Variants in MACROD2 observed in about 807,000 individuals in gnomAD.
The protein encoded by MACROD2 is ADP-ribose glycohydrolase MACROD2.
MACROD2 carries 36 observed loss-of-function variants against 70.4 expected under a neutral mutation model. The ratio of observed to expected loss-of-function variants is 0.51; its 90% CI spans 0.39 to 0.68. The LOEUF is 0.68. Among genes scored for constraint, MACROD2 ranks in the 30% least tolerant of loss-of-function variants. The pLI is 0.00. For synonymous variants in MACROD2, 172 were observed against 178.8 expected (o/e 0.96, Z 0.30); for missense variants, 496 against 538.4 (o/e 0.92, Z 0.78).
At chr20:14,241,610 A>C (rs2081930468) in intron 3 of MACROD2, among the ~76,000 whole-genome samples, 1 of 152,136 alleles carries the variant, frequency 6.6e-6, no homozygotes, top group African/African-American at 2.4e-5. Context: ...GTAAAGGTAC[A>C]TGGTGATATG....
chr20:15,751,574 T>C (rs55848368), intron 8 of MACROD2, among the ~76,000 whole-genome samples: 17,174 of 151,926 alleles, frequency 0.11, 1,104 homozygotes, highest in Admixed American at 0.14. Flanking sequence ...GCTTCCCTTT[T>C]ATCCTCTTCT....
intron 3 of MACROD2, among the ~76,000 whole-genome samples, chr20:14,364,074 A>G (rs372029869): frequency 8.5e-5 from 13 of 152,270 alleles, no homozygotes; most frequent in East Asian, 7.7e-4. Flanking sequence ...CCAGGTGATT[A>G]AAAGGTGGTT....
chr20:15,873,437 T>C (rs930279564), intron 9 of MACROD2, among the ~76,000 whole-genome samples: 1 of 152,218 alleles, frequency 6.6e-6, no homozygotes, highest in African/African-American at 2.4e-5. Flanking sequence ...TTATTACTAA[T>C]GTGGTTTAAC....
At chr20:14,175,503 G>A (rs560071101) in intron 3 of MACROD2, among the ~76,000 whole-genome samples, 9 of 152,110 alleles carry the variant, frequency 5.9e-5, no homozygotes, top group East Asian at 1.9e-4. Flanking sequence ...TATATGAGTC[G>A]GTTTCCCCAG....
intron 5 of MACROD2, among the ~76,000 whole-genome samples, chr20:15,140,989 C>T (rs114372723): frequency 0.023 from 3,539 of 152,190 alleles, 144 homozygotes; most frequent in African/African-American, 0.081. Flanking sequence ...ATCCAGATTC[C>T]ATTTACATGC....
intron 3 of MACROD2, among the ~76,000 whole-genome samples, chr20:14,348,904 C>CA (rs963692231): frequency 6.6e-6 from 1 of 151,900 alleles, no homozygotes; most frequent in African/African-American, 2.4e-5. Flanking sequence ...CCCATCTCTA[C>CA]AAAAAATACA....
intron 8 of MACROD2, among the ~76,000 whole-genome samples, chr20:15,639,739 G>A (rs1190373568): frequency 6.6e-6 from 1 of 152,158 alleles, no homozygotes; most frequent in Non-Finnish European, 1.5e-5. Context: ...TGTTTGTTCA[G>A]TGGGACCTCA....
chr20:14,557,338 G>T (rs2123280695), intron 4 of MACROD2, among the ~76,000 whole-genome samples: 1 of 151,924 alleles, frequency 6.6e-6, no homozygotes, highest in Non-Finnish European at 1.5e-5. Context: ...GATACCAAAA[G>T]TACAAGCACT....
intron 15 of MACROD2, among the ~76,000 whole-genome samples, chr20:16,002,923 A>C (rs577429752): frequency 4.6e-5 from 7 of 152,328 alleles, no homozygotes; most frequent in African/African-American, 1.7e-4. Flanking sequence ...GATGATTGAC[A>C]GATGGGTAGG....
chr20:15,136,405 C>T (rs1304454716), intron 5 of MACROD2, among the ~76,000 whole-genome samples: 1 of 152,008 alleles, frequency 6.6e-6, no homozygotes, highest in East Asian at 1.9e-4. Context: ...AGAAATAATG[C>T]CGCATATCTA....
At chr20:16,037,785 T>G (rs1448094500) in intron 15 of MACROD2, among the ~76,000 whole-genome samples, 5 of 151,940 alleles carry the variant, frequency 3.3e-5, no homozygotes, top group African/African-American at 1.2e-4. Flanking sequence ...TGTTTATTTC[T>G]TATATATTCT....
At chr20:14,498,401 C>G (rs1196225740) in intron 4 of MACROD2, among the ~76,000 whole-genome samples, 1 of 152,238 alleles carries the variant, frequency 6.6e-6, no homozygotes, top group Non-Finnish European at 1.5e-5. Flanking sequence ...CACAAGCACA[C>G]ATATGTGCAT....
chr20:14,875,979 T>C (rs2073546253), intron 5 of MACROD2, among the ~76,000 whole-genome samples: 1 of 152,146 alleles, frequency 6.6e-6, no homozygotes, highest in African/African-American at 2.4e-5. Flanking sequence ...TCTGGTTATA[T>C]ATCCAGTATT....
chr20:15,399,976 C>A (rs575029258), intron 6 of MACROD2, among the ~76,000 whole-genome samples: 1 of 152,230 alleles, frequency 6.6e-6, no homozygotes, highest in South Asian at 2.1e-4. Flanking sequence ...AGCTGTGGAA[C>A]CCACCCATGT....
chr20:14,296,561 G>A (rs1378469904), intron 3 of MACROD2, among the ~76,000 whole-genome samples: 1 of 151,926 alleles, frequency 6.6e-6, no homozygotes, highest in Non-Finnish European at 1.5e-5. Context: ...ATGCATGGTG[G>A]GTGATTCCAT....
At chr20:15,612,214 G>A (rs886368763) in intron 8 of MACROD2, among the ~76,000 whole-genome samples, 2 of 152,144 alleles carry the variant, frequency 1.3e-5, no homozygotes, top group Non-Finnish European at 2.9e-5. Flanking sequence ...TATAGCATGA[G>A]CCATGCCGGC....
intron 8 of MACROD2, among the ~76,000 whole-genome samples, chr20:15,528,489 A>G (rs2047751798): frequency 1.3e-5 from 2 of 152,172 alleles, no homozygotes; most frequent in South Asian, 4.1e-4. Context: ...TGCACAGAAC[A>G]GTCTCTTACC....
chr20:15,043,750 G>A lies in MACROD2; in HGVS notation c.419-186190G>A, dbSNP rs571159242. ...TGCCAGTCACACATCCAGGCTTCCC[G>A]TATTTCTGACCAACCAGCTGATCAG... On this transcript the variant is annotated intron_variant, in intron 5 of 17. Coordinates refer to ENST00000684519, the MANE Select transcript of MACROD2 (RefSeq NM_001351661.2). 5.3e-5 allele frequency among the ~76,000 whole-genome samples: 8 copies of A among 152,206 alleles called. No homozygotes were observed. The South Asian group carries it at 6.2e-4, about 12-fold the overall frequency.
intron 5 of MACROD2, among the ~76,000 whole-genome samples, chr20:14,847,091 G>GAA (rs5840635): frequency 2.6e-5 from 4 of 151,518 alleles, no homozygotes; most frequent in Admixed American, 6.6e-5. Context: ...TTAGACAAAA[G>GAA]AAAAAAAAGT....
Sources: allele counts gnomAD v4.1 joint callset (sites outside exome capture counted in the v4.1 genomes callset), GRCh38; gene constraint gnomAD v4.1.1; transcripts MANE v1.5; gene names NCBI Gene and HGNC (gene_info 2026-07-23, HGNC 2026-07-21).